The following SLC44A5 variants were observed in gnomAD, a reference collection of about 807,000 sequenced individuals.
SLC44A5 encodes solute carrier family 44 member 5.
SLC44A5 carries 57 observed loss-of-function variants against 101.8 expected under a neutral mutation model. The ratio of observed to expected loss-of-function variants is 0.56; its 90% CI spans 0.45 to 0.70. The LOEUF is 0.70. SLC44A5 is among the 30% of genes least tolerant of loss of function. The probability of loss-of-function intolerance (pLI) is 0.00; values close to 1 mark genes in which losing one functional copy is unlikely to be tolerated. For missense variants in SLC44A5, 737 were observed against 853.1 expected, an observed-to-expected ratio of 0.86 and a Z score of 1.70; for synonymous variants, 281 against 290.9, an observed-to-expected ratio of 0.97 and a Z score of 0.35.
the SLC44A5 span, among the ~76,000 whole-genome samples, chr1:75,690,180 C>T: frequency 3.3e-5 from 5 of 152,196 alleles, no homozygotes; most frequent in Admixed American, 3.3e-4. Flanking sequence ...ACTCACAGTT[C>T]TGCATGACTG....
rs531015391 is a variant in SLC44A5, at chr1:75,349,239, C to T, written c.53-9609G>A. 1.8e-4 allele frequency among the ~76,000 whole-genome samples: 27 copies of T among 151,944 alleles called. No individual in the cohort carries two copies. In the South Asian group the frequency reaches 2.3e-3, roughly 13 times the overall value. ...CTGTAGTCCCAGCGGCTTGGGAGGC[C>T]GAGGCAGGAGGATTGCTTGAGCCCA... On this transcript the variant is annotated intron_variant, in intron 3 of 23. Transcript: ENST00000370859.
intron 2 of SLC44A5, among the ~76,000 whole-genome samples, chr1:75,430,084 A>C (rs983612040): frequency 6.6e-6 from 1 of 152,096 alleles, no homozygotes; most frequent in Non-Finnish European, 1.5e-5. Flanking sequence ...GTCCCCCAAC[A>C]TTTATGTGTT....
chr1:75,401,953 C>G lies in SLC44A5; in HGVS notation c.14-5332G>C, dbSNP rs76985505. On this transcript the variant is annotated intron_variant, in intron 2 of 23. Coordinates refer to ENST00000370859, the MANE Select transcript of SLC44A5 (RefSeq NM_001130058.2). ...AAGAAAAATGTAGTGGAGTTAGAGA[C>G]GGCCCAGAGAAAGGCAACAGAGAAA... Among the ~76,000 whole-genome samples the G allele has an allele frequency of 7.0e-3, 1,060 of 152,138 alleles. 8 individuals carry two copies. The highest frequency in any genetic ancestry group is 0.034 in the Middle Eastern group (10 of 294).
At chr1:75,433,697 G>A (rs1285579522) in intron 2 of SLC44A5, among the ~76,000 whole-genome samples, 1 of 151,956 alleles carries the variant, frequency 6.6e-6, no homozygotes, top group Non-Finnish European at 1.5e-5. Context: ...AATCATGTTG[G>A]CACCTCAAAC....
chr1:75,576,512 G>A (rs1273706345), intron 1 of SLC44A5, among the ~76,000 whole-genome samples: 3 of 151,900 alleles, frequency 2.0e-5, no homozygotes, highest in Non-Finnish European at 2.9e-5. Flanking sequence ...TAGAGACGGG[G>A]TTTCACCGTG....
chr1:75,216,092 A>C (rs1353406931), intron 18 of SLC44A5, among the ~76,000 whole-genome samples: 1 of 151,990 alleles, frequency 6.6e-6, no homozygotes, highest in African/African-American at 2.4e-5. Flanking sequence ...TCTCAAACAC[A>C]AATTCTATGC....
chr1:75,263,982 G>A (rs1037603153), intron 6 of SLC44A5, among the ~76,000 whole-genome samples: 6 of 152,138 alleles, frequency 3.9e-5, no homozygotes, highest in East Asian at 1.9e-4. Context: ...GCCTGTTGGG[G>A]GGTTGCGGCT....
intron 3 of SLC44A5, among the ~76,000 whole-genome samples, chr1:75,347,930 G>T (rs1218285244): frequency 6.6e-6 from 1 of 152,072 alleles, no homozygotes; most frequent in Admixed American, 6.5e-5. Flanking sequence ...ATTGTCAAAA[G>T]AAAACCTTGG....
At chr1:75,628,948 G>T in the SLC44A5 span, among the ~76,000 whole-genome samples, 3 of 152,088 alleles carry the variant, frequency 2.0e-5, no homozygotes, top group South Asian at 4.1e-4. Context: ...TCAACTAGTT[G>T]CATGTTCTAC....
At chr1:75,273,849 T>C (rs1220021673) in intron 6 of SLC44A5, among the ~76,000 whole-genome samples, 1 of 152,084 alleles carries the variant, frequency 6.6e-6, no homozygotes, top group East Asian at 1.9e-4. Context: ...ATTTTTGTTA[T>C]GTTCTTTCCT....
At position 75,255,730 on chromosome 1, in the gene SLC44A5, T is replaced by C. The variant is rs78187617; in HGVS notation, c.261-4436A>G. Among the ~76,000 whole-genome samples the C allele has an allele frequency of 9.1e-3, 1,389 of 152,228 alleles. 40 individuals are homozygous for C. Among genetic ancestry groups the C allele is most frequent in the African/African-American group, 0.032 (1,318 of 41,516 alleles). ...AACAGGCCTCTATCAAATTGTGAGA[T>C]TTCAGAACACTAAGAATAAAGAAAT... is the stretch of plus-strand genomic sequence containing the variant. On this transcript the variant is annotated intron_variant, in intron 6 of 23. Coordinates refer to ENST00000370859, the MANE Select transcript of SLC44A5 (RefSeq NM_001130058.2).
intron 6 of SLC44A5, among the ~76,000 whole-genome samples, chr1:75,267,372 T>C (rs1651084921): frequency 6.6e-6 from 1 of 152,156 alleles, no homozygotes; most frequent in East Asian, 1.9e-4. Context: ...AGACAATCTA[T>C]TGTCTCAGCA....
intron 5 of SLC44A5, among the ~76,000 whole-genome samples, chr1:75,292,114 T>G: frequency 6.6e-6 from 1 of 151,820 alleles, no homozygotes; most frequent in East Asian, 1.9e-4. Flanking sequence ...TACAGGGAGA[T>G]TTTTTTTAGT....
intron 3 of SLC44A5, among the ~76,000 whole-genome samples, chr1:75,351,763 C>T (rs1324641437): frequency 6.9e-6 from 1 of 145,868 alleles, no homozygotes; most frequent in Non-Finnish European, 1.5e-5. Flanking sequence ...GTCTTCCATT[C>T]CAGTCTTTGA....
At chr1:75,643,802 G>A in the SLC44A5 span, among the ~76,000 whole-genome samples, 3 of 152,236 alleles carry the variant, frequency 2.0e-5, no homozygotes, top group Admixed American at 2.0e-4. Flanking sequence ...GTGGGACTGT[G>A]AGTCCATTAA....
intron 2 of SLC44A5, among the ~76,000 whole-genome samples, chr1:75,530,645 T>A (rs576800755): frequency 2.0e-5 from 3 of 152,320 alleles, no homozygotes; most frequent in East Asian, 3.9e-4. Context: ...TTCTTCTTTG[T>A]TTACCCACTA....
chr1:75,357,863 G>A (rs1029346425), intron 3 of SLC44A5, among the ~76,000 whole-genome samples: 3 of 152,044 alleles, frequency 2.0e-5, no homozygotes, highest in East Asian at 1.9e-4. Flanking sequence ...ATAAGCATGC[G>A]TCAAAGAGTT....
chr1:75,471,584 G>T (rs763974188), intron 2 of SLC44A5, among the ~76,000 whole-genome samples: 16 of 152,006 alleles, frequency 1.1e-4, no homozygotes, highest in Non-Finnish European at 1.3e-4. Flanking sequence ...GAGAATGCGG[G>T]CAGAGCTCAT....
chr1:75,290,509 G>A (rs1256634506), intron 5 of SLC44A5, among the ~76,000 whole-genome samples: 2 of 152,148 alleles, frequency 1.3e-5, no homozygotes, highest in African/African-American at 4.8e-5. Context: ...AGGAGAAGAA[G>A]CTGAATGGAG....
Sources: gnomAD v4.1 joint callset for allele counts (sites outside exome capture counted in the v4.1 genomes callset) on GRCh38, gnomAD v4.1.1 for gene constraint, MANE v1.5 for transcripts, NCBI Gene and HGNC (gene_info 2026-07-23, HGNC 2026-07-21) for gene names.